Variants in SPATA7 observed in about 807,000 individuals in gnomAD.
SPATA7 encodes spermatogenesis-associated protein 7.
Under a neutral mutation model 51.8 loss-of-function variants are expected in SPATA7, and 43 were observed. That is an observed-to-expected ratio of 0.83 (90% CI 0.65 to 1.07). The LOEUF is 1.07. SPATA7 is among the 50% of genes least tolerant of loss of function. The pLI, the probability that SPATA7 is intolerant of heterozygous loss-of-function variation, is 0.00. For synonymous variants in SPATA7, 230 were observed against 252.8 expected (o/e 0.91, Z 0.86); for missense variants, 683 against 701.3 (o/e 0.97, Z 0.30).
intron 3 of SPATA7, among the ~76,000 whole-genome samples, chr14:88,452,957 C>T (rs1244905553): frequency 6.6e-6 from 1 of 152,186 alleles, no homozygotes; most frequent in Non-Finnish European, 1.5e-5. Flanking sequence ...GTATCATTTC[C>T]TCTCTTTGGC....
At chr14:88,470,023 A>G in exon 5 of SPATA7, 1 of 1,613,574 alleles carries the variant, frequency 6.2e-7, no homozygotes, top group African/African-American at 1.3e-5. Flanking sequence ...GTGGCAATAT[A>G]ATCCCATTCG....
At chr14:88,399,080 A>G (rs969315959) in intron 4 of SPATA7, among the ~76,000 whole-genome samples, 2 of 152,108 alleles carry the variant, frequency 1.3e-5, no homozygotes, top group African/African-American at 4.8e-5. Context: ...AAAAAAGTAA[A>G]TATCAACCTA....
chr14:88,439,496 C>T (rs1275725830), downstream of SPATA7, among the ~76,000 whole-genome samples: 2 of 152,130 alleles, frequency 1.3e-5, no homozygotes, highest in Non-Finnish European at 2.9e-5. Flanking sequence ...TGCCTAGATA[C>T]TGTGGAGGAT....
chr14:88,415,668 A>T (rs1219735114), intron 4 of SPATA7, among the ~76,000 whole-genome samples: 2 of 151,900 alleles, frequency 1.3e-5, no homozygotes, highest in Non-Finnish European at 2.9e-5. Context: ...TGTAGTCTTG[A>T]TTGCGTATTT....
At chr14:88,398,018 C>T (rs1350137657) in intron 4 of SPATA7, among the ~76,000 whole-genome samples, 1 of 151,340 alleles carries the variant, frequency 6.6e-6, no homozygotes, top group Admixed American at 6.6e-5. Flanking sequence ...GGAGGTGGAG[C>T]TTGCAGTGAG....
intron 3 of SPATA7, among the ~76,000 whole-genome samples, chr14:88,445,247 A>G (rs1216539569): frequency 6.7e-6 from 1 of 149,494 alleles, no homozygotes; most frequent in African/African-American, 2.5e-5. Flanking sequence ...CTTTGAAGCA[A>G]TTGTGAATGG....
At chr14:88,449,802 G>A (rs1465652384) in intron 3 of SPATA7, among the ~76,000 whole-genome samples, 1 of 152,032 alleles carries the variant, frequency 6.6e-6, no homozygotes, top group Non-Finnish European at 1.5e-5. Context: ...ATATTTTCCT[G>A]CTGGACTAGT....
intron 9 of SPATA7, among the ~76,000 whole-genome samples, chr14:88,431,571 A>G (rs1485406757): frequency 2.0e-5 from 3 of 152,168 alleles, no homozygotes; most frequent in East Asian, 1.9e-4. Context: ...CTATCTAGCT[A>G]TAATTTTGTA....
intron 4 of SPATA7, among the ~76,000 whole-genome samples, chr14:88,463,956 TCCTGCCTCAG>T (rs1312230714): frequency 6.6e-6 from 1 of 152,034 alleles, no homozygotes; most frequent in Admixed American, 6.5e-5. Context: ...CAAGCAATTC[TCCTGCCTCAG>T]CCTCCCTGAG....
rs60770744 is a variant in SPATA7, at chr14:88,396,142, C to G, written c.191-14C>G. 6.3e-7 allele frequency: 1 copy of G among 1,599,346 alleles called. No homozygotes were observed. The highest frequency in any genetic ancestry group is 1.4e-5 in the African/African-American group (1 of 73,946). ...TACTGACAATATTATTAAACTATTA[C>G]CTTTCTCTTTCAGCTGCAGTAGACT... is the stretch of plus-strand genomic sequence containing the variant. On this transcript the variant is annotated splice_polypyrimidine_tract_variant and intron_variant, in intron 3 of 11. Coordinates refer to ENST00000393545, the MANE Select transcript of SPATA7 (RefSeq NM_018418.5).
At chr14:88,459,297 T>G (rs144927970), downstream of SPATA7, among the ~76,000 whole-genome samples, 19 of 152,256 alleles carry the variant, frequency 1.2e-4, no homozygotes, top group East Asian at 3.5e-3. Flanking sequence ...CTGTCTCGTT[T>G]ATCTGTCTAA....
intron 4 of SPATA7, among the ~76,000 whole-genome samples, chr14:88,407,309 C>A (rs2076225880): frequency 6.6e-6 from 1 of 152,202 alleles, no homozygotes. Context: ...GATCGCTATT[C>A]TAACTGGCAT....
At chr14:88,417,549 G>A (rs1348892375) in intron 5 of SPATA7, among the ~76,000 whole-genome samples, 1 of 151,924 alleles carries the variant, frequency 6.6e-6, no homozygotes, top group Non-Finnish European at 1.5e-5. Flanking sequence ...CAAGTGATCT[G>A]CCCACCTCGG....
At chr14:88,448,179 C>T (rs945315843) in intron 3 of SPATA7, among the ~76,000 whole-genome samples, 4 of 152,078 alleles carry the variant, frequency 2.6e-5, no homozygotes, top group African/African-American at 4.8e-5. Flanking sequence ...AGGCTTTGCT[C>T]GTTTCTTTTT....
At chr14:88,392,855 T>C (rs2075779817) in intron 2 of SPATA7, among the ~76,000 whole-genome samples, 1 of 149,874 alleles carries the variant, frequency 6.7e-6, no homozygotes, top group African/African-American at 2.5e-5. Flanking sequence ...TTTAATGTCA[T>C]GGAATTTCTT....
At chr14:88,443,214 A>G (rs1235912559), downstream of SPATA7, among the ~76,000 whole-genome samples, 1 of 152,104 alleles carries the variant, frequency 6.6e-6, no homozygotes, top group Non-Finnish European at 1.5e-5. Flanking sequence ...AAGTGTTGGG[A>G]TTACAGGCGT....
intron 4 of SPATA7, 31 bp from the exon 5 acceptor site, chr14:88,416,680 C>T: frequency 6.2e-7 from 1 of 1,610,004 alleles, no homozygotes; most frequent in Non-Finnish European, 8.5e-7. Context: ...TATTTTGTTC[C>T]ATATTTTGAA....
chr14:88,446,590 G>A (rs2077214523), intron 3 of SPATA7, among the ~76,000 whole-genome samples: 2 of 151,812 alleles, frequency 1.3e-5, no homozygotes, highest in South Asian at 4.2e-4. Flanking sequence ...TGTCAGTTTT[G>A]GATCTTTCCT....
At chr14:88,467,964 A>G (rs972566326) in intron 4 of SPATA7, 16 of 865,374 alleles carry the variant, frequency 1.8e-5, no homozygotes, top group African/African-American at 8.5e-5. Context: ...ACCCCTCTTC[A>G]GCCTGTGCTT....
Sources: allele counts gnomAD v4.1 joint callset (sites outside exome capture counted in the v4.1 genomes callset), GRCh38; gene constraint gnomAD v4.1.1; transcripts MANE v1.5; gene names NCBI Gene and HGNC (gene_info 2026-07-23, HGNC 2026-07-21).